Variants in TSG101 observed in about 807,000 individuals in gnomAD.
TSG101 encodes the protein tumor susceptibility 101, also known as tumor susceptibility gene 101 protein.
A neutral mutation model predicts 48.5 loss-of-function variants in TSG101; 19 were observed. The ratio of observed to expected loss-of-function variants is 0.39; its 90% confidence interval spans 0.27 to 0.58. TSG101 has a LOEUF of 0.58. Among genes scored for constraint, TSG101 ranks in the 20% least tolerant of loss-of-function variants. The pLI is 0.55. For synonymous variants in TSG101, 174 were observed against 169.4 expected, an observed-to-expected ratio of 1.03 and a Z score of -0.21; for missense variants, 365 against 484.4, an observed-to-expected ratio of 0.75 and a Z score of 2.31.
chr11:18,492,248 T>C (rs745389269), intron 7 of TSG101, among the ~76,000 whole-genome samples: 2 of 152,238 alleles, frequency 1.3e-5, no homozygotes, highest in Non-Finnish European at 2.9e-5. Flanking sequence ...CCTTCTCCCA[T>C]AGATTACGTA....
At chr11:18,516,357 T>G (rs969629317) in intron 2 of TSG101, among the ~76,000 whole-genome samples, 193 bp from the exon 3 acceptor site, 4 of 126,356 alleles carry the variant, frequency 3.2e-5, no homozygotes, top group Admixed American at 2.3e-4. Flanking sequence ...CTCTTTTTTG[T>G]TTTTTTTTTC....
chr11:18,489,550 T>G (rs1416801223), intron 7 of TSG101, among the ~76,000 whole-genome samples: 1 of 152,184 alleles, frequency 6.6e-6, no homozygotes, highest in Non-Finnish European at 1.5e-5. Flanking sequence ...CACACTGCAG[T>G]AGAAAAGGGG....
At chr11:18,492,606 C>A (rs12787707) in intron 7 of TSG101, among the ~76,000 whole-genome samples, 1 of 152,080 alleles carries the variant, frequency 6.6e-6, no homozygotes. Flanking sequence ...CATTAACCCT[C>A]AAAATAAGAA....
chr11:18,496,492 TA>T (rs1187807274), intron 7 of TSG101, among the ~76,000 whole-genome samples: 1 of 141,854 alleles, frequency 7.0e-6, no homozygotes, highest in Non-Finnish European at 1.5e-5. Context: ...TAAAATAAAA[TA>T]AAATAAAATA....
intron 5 of TSG101, among the ~76,000 whole-genome samples, chr11:18,508,275 G>C (rs1850010185): frequency 6.8e-6 from 1 of 146,174 alleles, no homozygotes; most frequent in Non-Finnish European, 1.5e-5. Flanking sequence ...AGGCTGGAGT[G>C]CAGTAATGCG....
At chr11:18,513,790 G>C (rs1850125569) in intron 4 of TSG101, among the ~76,000 whole-genome samples, 1 of 152,110 alleles carries the variant, frequency 6.6e-6, no homozygotes, top group East Asian at 1.9e-4. Flanking sequence ...GAATAAGTAA[G>C]TAGGCTGGGC....
chr11:18,516,248 T>C, intron 2 of TSG101, 84 bp from the exon 3 acceptor site: 1 of 1,237,320 alleles, frequency 8.1e-7, no homozygotes, highest in South Asian at 1.3e-5. Flanking sequence ...CTGGTTAAAA[T>C]TCATCATTAT....
At chr11:18,516,220 G>T in intron 2 of TSG101, 56 bp from the exon 3 acceptor site, 1 of 1,492,176 alleles carries the variant, frequency 6.7e-7, no homozygotes, top group Non-Finnish European at 9.3e-7. Context: ...ACTCCCATAA[G>T]TTATTCTTTC....
intron 7 of TSG101, among the ~76,000 whole-genome samples, chr11:18,499,381 A>AATAAATATATATATATATATAT (rs1554970780): frequency 8.1e-5 from 1 of 12,294 alleles, no homozygotes; most frequent in African/African-American, 2.6e-4. Flanking sequence ...TTTATATTTA[A>AATAAATATATATATATATATAT]ATATATATAT....
chr11:18,499,044 G>C (rs1300456438), intron 7 of TSG101, among the ~76,000 whole-genome samples: 2 of 151,498 alleles, frequency 1.3e-5, no homozygotes, highest in South Asian at 4.1e-4. Flanking sequence ...AAAATGGTAT[G>C]AGAAAAAGTC....
chr11:18,525,824 A>G (rs1850363077), intron 1 of TSG101: 1 of 343,598 alleles, frequency 2.9e-6, no homozygotes, highest in Admixed American at 6.5e-5. Flanking sequence ...GTCTTCAATC[A>G]AGAACTATGG....
chr11:18,498,709 T>A (rs1487318627), intron 7 of TSG101, among the ~76,000 whole-genome samples: 2 of 152,062 alleles, frequency 1.3e-5, no homozygotes, highest in Non-Finnish European at 2.9e-5. Flanking sequence ...ATTTGAGAAC[T>A]GGGGGCACAG....
chr11:18,494,738 A>T (rs1196145504), intron 7 of TSG101, among the ~76,000 whole-genome samples: 1 of 152,200 alleles, frequency 6.6e-6, no homozygotes, highest in Non-Finnish European at 1.5e-5. Flanking sequence ...CCTGCACACA[A>T]GCAAGCGTGC....
At chr11:18,480,690 C>A (rs959746088) in intron 9 of TSG101, 55 bp from the exon 10 acceptor site, 3 of 1,521,752 alleles carry the variant, frequency 2.0e-6, no homozygotes, top group Non-Finnish European at 2.7e-6. Flanking sequence ...TAGGCCCAGG[C>A]ATAAAATAGA....
Position 18,526,820 on chromosome 11 carries a change from G to A in TSG101, c.-4C>T. 6.2e-7 allele frequency: 1 copy of A among 1,602,004 alleles called. No individual in the cohort carries two copies. Among genetic ancestry groups the A allele is most frequent in the South Asian group, 1.1e-5 (1 of 90,826 alleles). ...GCTGGCTCTCCGACACCGCCATGAC[G>A]GCCGCCTGGCGACTCCCTTCCCCGC... is the stretch of plus-strand genomic sequence containing the variant. On this transcript the variant is annotated 5_prime_UTR_variant, in exon 1 of 10. Transcript: ENST00000251968.
intron 8 of TSG101, among the ~76,000 whole-genome samples, chr11:18,483,079 T>C (rs1422133216): frequency 6.6e-6 from 1 of 151,988 alleles, no homozygotes; most frequent in African/African-American, 2.4e-5. Context: ...GCAGGGGTGG[T>C]AATTGAATCA....
At chr11:18,522,039 C>G (rs1850287159) in intron 1 of TSG101, among the ~76,000 whole-genome samples, 1 of 152,156 alleles carries the variant, frequency 6.6e-6, no homozygotes, top group Admixed American at 6.5e-5. Context: ...CTCCTGCACT[C>G]TGTGCCTGTG....
rs111252813 is a variant in TSG101 at position 18,526,913 on chromosome 11, C to A, written c.-97G>T. On this transcript the variant is annotated 5_prime_UTR_variant, in exon 1 of 10. Transcript: ENST00000251968. The stretch of plus-strand genomic sequence containing the variant: ...ACACAATCGCACACCCCCAACCCGG[C>A]CTCAAACAACAGGAAGTCGGCACCA... 1.4e-5 allele frequency: 19 copies of A among 1,371,210 alleles called. No individual in the cohort carries two copies. Among genetic ancestry groups the A allele is most frequent in the Middle Eastern group, 3.6e-4 (2 of 5,566 alleles). The allele number at this position is 1,371,210 out of a possible 1,614,324, so 84.9% of individuals were successfully genotyped here.
At position 18,484,118 on chromosome 11, in the gene TSG101, CTTCT is replaced by C. The variant is rs757581820; in HGVS notation, c.641-50_641-47del. The C allele has an allele frequency of 8.1e-6, 13 of 1,598,332 alleles. No individual in the cohort carries two copies. In the East Asian group the frequency reaches 2.5e-4, roughly 30 times the overall value. On this transcript the variant is annotated intron_variant, in intron 7 of 9. Transcript: ENST00000251968. The stretch of plus-strand genomic sequence containing the variant: ...AAACACTTGCTTACTTCCCAAGTTC[CTTCT>C]ATTTGTCTCACAGGAACCTTCAGAA...
Sources: gnomAD v4.1 joint callset for allele counts (sites outside exome capture counted in the v4.1 genomes callset) on GRCh38, gnomAD v4.1.1 for gene constraint, MANE v1.5 for transcripts, NCBI Gene and HGNC (gene_info 2026-07-23, HGNC 2026-07-21) for gene names.